Variants in HDAC9 observed in about 807,000 individuals in gnomAD.
HDAC9 encodes the protein MEF-2 interacting transcription repressor (MITR) protein.
HDAC9 carries 41 observed loss-of-function variants against 139.4 expected under a neutral mutation model. The observed-to-expected ratio is 0.29, with a 90% CI of 0.23 to 0.38. The LOEUF (loss-of-function observed/expected upper bound fraction) is 0.38. Among genes scored for constraint, HDAC9 ranks in the 10% least tolerant of loss-of-function variants. The probability of loss-of-function intolerance (pLI) is 1.00; values close to 1 mark genes in which losing one functional copy is unlikely to be tolerated. For synonymous variants in HDAC9, 517 were observed against 476.2 expected (o/e 1.09, Z -1.12); for missense variants, 1,147 against 1,297.0 (o/e 0.88, Z 1.78).
chr7:18,585,839 A>G (rs1459888381), intron 3 of HDAC9, among the ~76,000 whole-genome samples: 1 of 152,176 alleles, frequency 6.6e-6, no homozygotes, highest in Non-Finnish European at 1.5e-5. Flanking sequence ...ACCAAGAAGA[A>G]GCATGAGCCT....
At chr7:18,985,014 A>G (rs1423343038) in intron 25 of HDAC9, among the ~76,000 whole-genome samples, 1 of 152,092 alleles carries the variant, frequency 6.6e-6, no homozygotes, top group Non-Finnish European at 1.5e-5. Flanking sequence ...GAATTGTTAC[A>G]CAGGAAGTCT....
chr7:18,186,071 A>C (rs7778372), intron 2 of HDAC9, among the ~76,000 whole-genome samples: 1 of 152,188 alleles, frequency 6.6e-6, no homozygotes, highest in East Asian at 1.9e-4. Context: ...AGTAAGGACT[A>C]TTTTCTAAAA....
At chr7:18,804,576 C>T (rs1322669178) in intron 17 of HDAC9, among the ~76,000 whole-genome samples, 1 of 152,090 alleles carries the variant, frequency 6.6e-6, no homozygotes, top group African/African-American at 2.4e-5. Context: ...TTGCTGTCTA[C>T]CCTAAAATGG....
intron 22 of HDAC9, among the ~76,000 whole-genome samples, chr7:18,880,899 TA>T (rs66499426): frequency 0.069 from 10,517 of 151,776 alleles, 928 homozygotes; most frequent in African/African-American, 0.2. Context: ...ATCTTTTTTT[TA>T]AACAGAAAAT....
At chr7:18,592,515 CTT>C (rs1042412929) in intron 5 of HDAC9, among the ~76,000 whole-genome samples, 16 of 151,924 alleles carry the variant, frequency 1.1e-4, no homozygotes, top group African/African-American at 3.9e-4. Flanking sequence ...TATTTTTACA[CTT>C]ATATATTTTT....
At chr7:18,508,412 A>G (rs531856790) in intron 2 of HDAC9, among the ~76,000 whole-genome samples, 8 of 152,326 alleles carry the variant, frequency 5.3e-5, no homozygotes, top group Middle Eastern at 3.4e-3. Flanking sequence ...GCTTTGTGGA[A>G]AGGATGGGGA....
chr7:18,398,903 A>T (rs1787293501), intron 1 of HDAC9, among the ~76,000 whole-genome samples: 1 of 152,110 alleles, frequency 6.6e-6, no homozygotes, highest in Admixed American at 6.6e-5. Context: ...AACATACGAA[A>T]TCCCTTTCTC....
intron 1 of HDAC9, among the ~76,000 whole-genome samples, chr7:18,095,490 G>C (rs1421880179): frequency 6.6e-6 from 1 of 151,998 alleles, no homozygotes; most frequent in Non-Finnish European, 1.5e-5. Flanking sequence ...TTACCCTGTG[G>C]CTCGCTAGAG....
chr7:18,496,068 G>A (rs1014441278), intron 1 of HDAC9, 45 bp downstream of exon 1: 29 of 1,420,988 alleles, frequency 2.0e-5, no homozygotes, highest in Non-Finnish European at 1.8e-5. Flanking sequence ...AAAAGTGGAT[G>A]CCCATTTGAG....
chr7:18,199,333 A>G (rs1395096463), intron 2 of HDAC9, among the ~76,000 whole-genome samples: 2 of 152,196 alleles, frequency 1.3e-5, no homozygotes, highest in Non-Finnish European at 2.9e-5. Flanking sequence ...TTAATAATTT[A>G]TCCTTGGATT....
chr7:18,315,793 A>G (rs561330065), intron 1 of HDAC9, among the ~76,000 whole-genome samples: 10 of 152,242 alleles, frequency 6.6e-5, no homozygotes, highest in African/African-American at 2.2e-4. Flanking sequence ...TTCTTCCTGG[A>G]CAGATCCTTG....
rs79560069 is a variant in HDAC9 at position 18,107,112 on chromosome 7, A to G, written c.-97+19899A>G. Among the ~76,000 whole-genome samples, 936 of 152,330 alleles carry G rather than the reference A, an allele frequency of 6.1e-3. 10 individuals carry two copies. The highest frequency in any genetic ancestry group is 0.022 in the African/African-American group (894 of 41,570). ...TATTTTAGAACAAGCATCATGTCAC[A>G]ATATTAATCTGGCTTTGCTGCCCCC... On this transcript the variant is annotated intron_variant, in intron 1 of 12. Transcript: ENST00000417496.
At chr7:18,871,519 G>C (rs1185453823) in intron 21 of HDAC9, among the ~76,000 whole-genome samples, 1 of 152,146 alleles carries the variant, frequency 6.6e-6, no homozygotes, top group Non-Finnish European at 1.5e-5. Flanking sequence ...TAAGAACCAT[G>C]AGTTCGTATG....
chr7:18,196,805 A>G (rs1458051755), intron 2 of HDAC9, among the ~76,000 whole-genome samples: 1 of 152,122 alleles, frequency 6.6e-6, no homozygotes, highest in South Asian at 2.1e-4. Flanking sequence ...AACCGAGAAG[A>G]CAGTAATGAG....
chr7:18,239,076 A>G (rs1794016001), intron 2 of HDAC9, among the ~76,000 whole-genome samples: 1 of 152,030 alleles, frequency 6.6e-6, no homozygotes, highest in African/African-American at 2.4e-5. Flanking sequence ...ACGATTGGAA[A>G]TTGTCTAGTT....
chr7:18,468,177 C>G (rs564110561), intron 1 of HDAC9, among the ~76,000 whole-genome samples: 11 of 152,200 alleles, frequency 7.2e-5, no homozygotes, highest in African/African-American at 2.6e-4. Context: ...TTATACTCCA[C>G]TCTTTAGAAG....
chr7:18,593,195 G>A (rs1370983825), intron 5 of HDAC9, among the ~76,000 whole-genome samples: 5 of 152,060 alleles, frequency 3.3e-5, no homozygotes. Context: ...CAATCATTGT[G>A]ATGGTGATAC....
At chr7:18,422,754 A>G (rs981002354) in intron 1 of HDAC9, among the ~76,000 whole-genome samples, 10 of 151,582 alleles carry the variant, frequency 6.6e-5, no homozygotes, top group African/African-American at 2.2e-4. Context: ...GCACACACAC[A>G]CACACACACA....
At chr7:18,222,647 G>C (rs1792786054) in intron 2 of HDAC9, among the ~76,000 whole-genome samples, 1 of 152,058 alleles carries the variant, frequency 6.6e-6, no homozygotes. Flanking sequence ...ATTTGCAAAT[G>C]TAAACCTCTA....
Sources: gnomAD v4.1 joint callset for allele counts (sites outside exome capture counted in the v4.1 genomes callset) on GRCh38, gnomAD v4.1.1 for gene constraint, MANE v1.5 for transcripts, NCBI Gene and HGNC (gene_info 2026-07-23, HGNC 2026-07-21) for gene names.